The following MGAT4C variants were observed in gnomAD, a reference collection of about 807,000 sequenced individuals.
MGAT4C encodes alpha-1,3-mannosyl-glycoprotein 4-beta-N-acetylglucosaminyltransferase C.
MGAT4C carries 19 observed loss-of-function variants against 40.1 expected under a neutral mutation model. That is an observed-to-expected ratio of 0.47 (90% CI 0.33 to 0.70). MGAT4C has a LOEUF of 0.70. Among genes scored for constraint, MGAT4C ranks in the 30% least tolerant of loss-of-function variants. The pLI is 0.02. For synonymous variants in MGAT4C, 181 were observed against 187.1 expected (o/e 0.97, Z 0.27); for missense variants, 491 against 563.2 (o/e 0.87, Z 1.30).
chr12:86,427,515 CACAG>C (rs1404438419), intron 3 of MGAT4C, among the ~76,000 whole-genome samples: 1 of 152,084 alleles, frequency 6.6e-6, no homozygotes, highest in Non-Finnish European at 1.5e-5. Context: ...CTTACACACA[CACAG>C]ACACACTCTA....
intron 4 of MGAT4C, among the ~76,000 whole-genome samples, chr12:86,267,007 C>A (rs960494520): frequency 2.0e-5 from 3 of 150,454 alleles, no homozygotes; most frequent in African/African-American, 5.0e-5. Flanking sequence ...TTATTGTCTC[C>A]TGTCTCTTAT....
chr12:86,423,220 T>C (rs1459472318), intron 3 of MGAT4C, among the ~76,000 whole-genome samples: 1 of 152,084 alleles, frequency 6.6e-6, no homozygotes, highest in African/African-American at 2.4e-5. Context: ...CAAAACTTTA[T>C]GGATTTCACA....
At chr12:86,420,235 A>G (rs945285574) in intron 3 of MGAT4C, among the ~76,000 whole-genome samples, 1 of 152,010 alleles carries the variant, frequency 6.6e-6, no homozygotes, top group Admixed American at 6.6e-5. Context: ...TTTAAAAATT[A>G]GCGGAGCATG....
intron 2 of MGAT4C, among the ~76,000 whole-genome samples, chr12:86,726,705 G>A (rs999357282): frequency 3.3e-5 from 5 of 151,822 alleles, no homozygotes; most frequent in South Asian, 2.1e-4. Flanking sequence ...ACATCAAGTC[G>A]AATTTTATTG....
At chr12:86,538,435 G>A (rs1399554077) in intron 2 of MGAT4C, among the ~76,000 whole-genome samples, 1 of 152,128 alleles carries the variant, frequency 6.6e-6, no homozygotes. Flanking sequence ...TTACATGGAG[G>A]GATTGGATCT....
chr12:86,426,278 G>A (rs866324493), intron 3 of MGAT4C, among the ~76,000 whole-genome samples: 3 of 151,992 alleles, frequency 2.0e-5, no homozygotes, highest in East Asian at 1.9e-4. Flanking sequence ...AAAACCTTAC[G>A]CTGCCATTCG....
At chr12:86,308,826 A>C (rs942556416) in intron 4 of MGAT4C, among the ~76,000 whole-genome samples, 1 of 150,472 alleles carries the variant, frequency 6.6e-6, no homozygotes, top group Non-Finnish European at 1.5e-5. Context: ...TGATGTTTAC[A>C]AAAATTTTTG....
At chr12:86,330,056 A>G (rs990099181) in intron 4 of MGAT4C, among the ~76,000 whole-genome samples, 6 of 152,160 alleles carry the variant, frequency 3.9e-5, no homozygotes, top group African/African-American at 1.4e-4. Context: ...ACAAATATAG[A>G]CTTATTGTAG....
intron 2 of MGAT4C, among the ~76,000 whole-genome samples, chr12:86,564,963 C>T (rs1157816527): frequency 6.6e-6 from 1 of 152,076 alleles, no homozygotes; most frequent in Non-Finnish European, 1.5e-5. Context: ...CTTTGGCAGG[C>T]CCCCATAGGT....
At chr12:86,144,142 C>T (rs1043742995) in intron 1 of MGAT4C, among the ~76,000 whole-genome samples, 2 of 152,274 alleles carry the variant, frequency 1.3e-5, no homozygotes, top group African/African-American at 2.4e-5. Context: ...CAGAAAAGAC[C>T]TTTCATGTAC....
intron 3 of MGAT4C, among the ~76,000 whole-genome samples, chr12:86,382,841 G>C (rs1955968501): frequency 6.6e-6 from 1 of 152,230 alleles, no homozygotes; most frequent in Non-Finnish European, 1.5e-5. Flanking sequence ...GTCATGAATT[G>C]GGGTTTGGGA....
At chr12:86,191,546 ATGAGC>A (rs1353266042) in intron 1 of MGAT4C, among the ~76,000 whole-genome samples, 2 of 150,730 alleles carry the variant, frequency 1.3e-5, no homozygotes, top group African/African-American at 4.9e-5. Context: ...ACAGAAAAGG[ATGAGC>A]TCATGGTTTC....
chr12:85,986,990 A>G (rs1885280171), intron 3 of MGAT4C, among the ~76,000 whole-genome samples: 1 of 152,100 alleles, frequency 6.6e-6, no homozygotes, highest in Non-Finnish European at 1.5e-5. Flanking sequence ...AACATCCGTC[A>G]GTAAATAGTA....
At chr12:86,801,710 G>C (rs1565998966) in intron 1 of MGAT4C, among the ~76,000 whole-genome samples, 1 of 151,760 alleles carries the variant, frequency 6.6e-6, no homozygotes, top group Non-Finnish European at 1.5e-5. Flanking sequence ...CATTGGTTGT[G>C]ATCTGACATG....
Position 86,757,120 on chromosome 12 carries a change from A to C in MGAT4C, c.-261-29879T>G, listed in dbSNP as rs138273605. Among the ~76,000 whole-genome samples the C allele has an allele frequency of 3.3e-3, 499 of 152,094 alleles. 4 individuals are homozygous for C. The highest frequency in any genetic ancestry group is 0.011 in the African/African-American group (475 of 41,474). ...TCTCAGCAAACTATCATAAGAACAG[A>C]AAACCAAACACTGCATGTTCTCACT... On this transcript the variant is annotated intron_variant, in intron 1 of 7. Transcript: ENST00000548651.
At chr12:86,750,361 T>A (rs1242365292) in intron 1 of MGAT4C, among the ~76,000 whole-genome samples, 1 of 151,868 alleles carries the variant, frequency 6.6e-6, no homozygotes, top group African/African-American at 2.4e-5. Flanking sequence ...AAAAGTGAAC[T>A]TGAATATCAT....
intron 1 of MGAT4C, among the ~76,000 whole-genome samples, chr12:86,729,511 G>A (rs1328609339): frequency 2.0e-5 from 3 of 151,996 alleles, no homozygotes; most frequent in Admixed American, 6.6e-5. Flanking sequence ...ATTTTCCTAG[G>A]TTGATGCTAA....
intron 2 of MGAT4C, among the ~76,000 whole-genome samples, chr12:86,460,126 T>C (rs1056528376): frequency 2.0e-5 from 3 of 152,010 alleles, no homozygotes; most frequent in Non-Finnish European, 4.4e-5. Flanking sequence ...GGTGGGAGGA[T>C]TGCTTGAGCC....
intron 2 of MGAT4C, among the ~76,000 whole-genome samples, chr12:86,641,944 A>G (rs1283898078): frequency 1.3e-5 from 2 of 151,856 alleles, no homozygotes; most frequent in East Asian, 3.9e-4. Context: ...CCTAAGAAAT[A>G]ATTTTGATAA....
Sources: gnomAD v4.1 joint callset for allele counts (sites outside exome capture counted in the v4.1 genomes callset) on GRCh38, gnomAD v4.1.1 for gene constraint, MANE v1.5 for transcripts, NCBI Gene and HGNC (gene_info 2026-07-23, HGNC 2026-07-21) for gene names.